The following RAB11FIP4 variants were observed in gnomAD, a reference collection of about 807,000 sequenced individuals.
The protein encoded by RAB11FIP4 is rab11 family-interacting protein 4.
Under a neutral mutation model 74.3 loss-of-function variants are expected in RAB11FIP4, and 23 were observed. The ratio of observed to expected loss-of-function variants is 0.31; its 90% CI spans 0.22 to 0.44. The LOEUF is 0.44. Among genes scored for constraint, RAB11FIP4 ranks in the 20% least tolerant of loss-of-function variants. The probability of loss-of-function intolerance (pLI) is 1.00; values close to 1 mark genes in which losing one functional copy is unlikely to be tolerated. For synonymous variants in RAB11FIP4, 360 were observed against 359.9 expected, an observed-to-expected ratio of 1.00 and a Z score of 0.00; for missense variants, 630 against 863.9, an observed-to-expected ratio of 0.73 and a Z score of 3.39.
rs1298375617 is a variant in RAB11FIP4 at position 31,528,419 on chromosome 17, T to C, written c.1370T>C (p.Met457Thr). 1.9e-6 allele frequency: 3 copies of C among 1,612,826 alleles called. No homozygotes were observed. Among genetic ancestry groups the C allele is most frequent in the Non-Finnish European group, 2.5e-6 (3 of 1,180,004 alleles). The stretch of plus-strand genomic sequence containing the variant: ...TCCCTGCTCCAGGAGCGGCAGCGCA[T>C]GTCTGACCGTCTGGAGGACACCAGC... ...TEKLDEERQR[M>T]SDRLEDTSLR... The change falls in exon 12 of 15, where the codon ATG (methionine) becomes ACG (threonine). Residue 457 changes from methionine to threonine, a missense_variant. Coordinates refer to ENST00000621161, the MANE Select transcript of RAB11FIP4 (RefSeq NM_032932.6).
intron 3 of RAB11FIP4, among the ~76,000 whole-genome samples, chr17:31,459,420 G>A (rs1317480173): frequency 5.3e-5 from 8 of 152,024 alleles, no homozygotes; most frequent in African/African-American, 1.7e-4. Context: ...AACTCCAGGA[G>A]GCCAGATACT....
chr17:31,503,663 A>G (rs144889123), intron 3 of RAB11FIP4, among the ~76,000 whole-genome samples: 2 of 149,614 alleles, frequency 1.3e-5, no homozygotes, highest in East Asian at 3.9e-4. Context: ...CATTCTTATG[A>G]CCTCAGCCAT....
Position 31,491,456 on chromosome 17 carries a change from G to A in RAB11FIP4, c.337-26195G>A, listed in dbSNP as rs540553753. On this transcript the variant is annotated intron_variant, in intron 3 of 14. Transcript: ENST00000621161. ...GGAGTATGGGAGTTGGCAGGAGGAA[G>A]AGCAGGGAAGGGGAGGGAGTGCTGG... Among the ~76,000 whole-genome samples, 7 of 152,370 alleles carry A rather than the reference G, an allele frequency of 4.6e-5. No homozygotes were observed. The East Asian group carries it at 1.3e-3, about 29-fold the overall frequency.
At chr17:31,432,240 G>A (rs1162980065) in intron 2 of RAB11FIP4, among the ~76,000 whole-genome samples, 1 of 152,056 alleles carries the variant, frequency 6.6e-6, no homozygotes, top group East Asian at 1.9e-4. Context: ...GATGTGGGAG[G>A]GACTCCACTT....
chr17:31,467,221 C>T (rs893705194), intron 3 of RAB11FIP4, among the ~76,000 whole-genome samples: 11 of 152,126 alleles, frequency 7.2e-5, no homozygotes, highest in Non-Finnish European at 1.3e-4. Context: ...CAAGCATTCT[C>T]CTGCCTCAGC....
chr17:31,517,596 A>G, intron 3 of RAB11FIP4, 55 bp from the exon 4 acceptor site: 2 of 1,511,954 alleles, frequency 1.3e-6, no homozygotes, highest in Non-Finnish European at 1.8e-6. Flanking sequence ...TGATTGGAAC[A>G]CTGAGCCCTG....
chr17:31,481,185 C>G (rs2071845596), intron 3 of RAB11FIP4, among the ~76,000 whole-genome samples: 1 of 152,218 alleles, frequency 6.6e-6, no homozygotes, highest in Admixed American at 6.5e-5. Context: ...GTCAGCAAGC[C>G]TTTAGCAAAG....
intron 3 of RAB11FIP4, among the ~76,000 whole-genome samples, chr17:31,449,234 C>T (rs2071500326): frequency 6.6e-6 from 1 of 152,096 alleles, no homozygotes; most frequent in African/African-American, 2.4e-5. Context: ...CTCACCCGCA[C>T]ACCGCCTGAA....
intron 3 of RAB11FIP4, among the ~76,000 whole-genome samples, chr17:31,500,988 A>C (rs1457825379): frequency 2.6e-5 from 4 of 151,258 alleles, no homozygotes; most frequent in Non-Finnish European, 4.4e-5. Flanking sequence ...GTGCCACTGC[A>C]CTCCAGCCTG....
At position 31,449,089 on chromosome 17, in the gene RAB11FIP4, G is replaced by T. The variant is rs146579327; in HGVS notation, c.336+14967G>T. Among the ~76,000 whole-genome samples, 240 of 152,118 alleles carry T rather than the reference G, an allele frequency of 1.6e-3. 4 individuals are homozygous for T. The highest frequency in any genetic ancestry group is 5.5e-3 in the African/African-American group (227 of 41,492). The stretch of plus-strand genomic sequence containing the variant: ...CAGGGGAATCATTCAGGACACAGGG[G>T]ACAGAATTCCCTCCCCTTCCCATTC... On this transcript the variant is annotated intron_variant, in intron 3 of 14. Coordinates refer to ENST00000621161, the MANE Select transcript of RAB11FIP4 (RefSeq NM_032932.6).
chr17:31,504,148 T>C (rs2072272494), intron 3 of RAB11FIP4, among the ~76,000 whole-genome samples: 1 of 147,670 alleles, frequency 6.8e-6, no homozygotes, highest in South Asian at 2.1e-4. Flanking sequence ...TTTTTTTTTT[T>C]GAGACATTGT....
At chr17:31,460,173 C>T (rs1247756134) in intron 3 of RAB11FIP4, among the ~76,000 whole-genome samples, 1 of 152,196 alleles carries the variant, frequency 6.6e-6, no homozygotes, top group African/African-American at 2.4e-5. Flanking sequence ...GGTGGAGGAG[C>T]AAGCACGTTG....
chr17:31,436,828 C>T (rs1297338670), intron 3 of RAB11FIP4, among the ~76,000 whole-genome samples: 1 of 149,880 alleles, frequency 6.7e-6, no homozygotes, highest in African/African-American at 2.5e-5. Context: ...TGCTCTATCG[C>T]CCAGGCTGGA....
At chr17:31,458,073 C>T (rs976344754) in intron 3 of RAB11FIP4, among the ~76,000 whole-genome samples, 2 of 152,238 alleles carry the variant, frequency 1.3e-5, no homozygotes, top group African/African-American at 4.8e-5. Flanking sequence ...CTGTGGTACC[C>T]ATTTCGCTGA....
At chr17:31,437,415 G>T (rs2071369634) in intron 3 of RAB11FIP4, among the ~76,000 whole-genome samples, 1 of 152,134 alleles carries the variant, frequency 6.6e-6, no homozygotes, top group Non-Finnish European at 1.5e-5. Context: ...AATTTCTCAG[G>T]CCCGGCTCTC....
chr17:31,516,610 C>T (rs1197162863), intron 3 of RAB11FIP4, among the ~76,000 whole-genome samples: 1 of 152,350 alleles, frequency 6.6e-6, no homozygotes, highest in African/African-American at 2.4e-5. Context: ...GCTGGGACTA[C>T]AGGCATGCGC....
At chr17:31,502,676 G>C (rs1001627811) in intron 3 of RAB11FIP4, among the ~76,000 whole-genome samples, 1 of 152,220 alleles carries the variant, frequency 6.6e-6, no homozygotes, top group African/African-American at 2.4e-5. Flanking sequence ...GACTGAGCTT[G>C]GGTTGGGGTT....
chr17:31,414,637 G>A (rs887545209), intron 1 of RAB11FIP4, among the ~76,000 whole-genome samples: 3 of 152,194 alleles, frequency 2.0e-5, no homozygotes, highest in Admixed American at 2.0e-4. Context: ...CTGGGACAGC[G>A]CTTCCCAGGA....
chr17:31,431,068 A>G (rs897788412), intron 1 of RAB11FIP4, among the ~76,000 whole-genome samples: 1 of 152,136 alleles, frequency 6.6e-6, no homozygotes, highest in Non-Finnish European at 1.5e-5. Flanking sequence ...CAGCTGCAGG[A>G]ACCCCCAAAG....
Sources: gnomAD v4.1 joint callset for allele counts (sites outside exome capture counted in the v4.1 genomes callset) on GRCh38, gnomAD v4.1.1 for gene constraint, MANE v1.5 for transcripts, NCBI Gene and HGNC (gene_info 2026-07-23, HGNC 2026-07-21) for gene names.